The following TACC2 variants were observed in gnomAD, a reference collection of about 807,000 sequenced individuals.
The protein encoded by TACC2 is transforming acidic coiled-coil-containing protein 2.
A neutral mutation model predicts 227.3 loss-of-function variants in TACC2; 137 were observed. That is an observed-to-expected ratio of 0.60 (90% CI 0.52 to 0.69). TACC2 has a LOEUF of 0.69. Among genes scored for constraint, TACC2 ranks in the 30% least tolerant of loss-of-function variants. The pLI is 0.00. For synonymous variants in TACC2, 1,523 were observed against 1,487.5 expected (o/e 1.02, Z -0.55); for missense variants, 3,470 against 3,694.4 (o/e 0.94, Z 1.57).
At chr10:122,094,004 C>CAAGCT (rs1180021626) in intron 5 of TACC2, among the ~76,000 whole-genome samples, 1 of 152,176 alleles carries the variant, frequency 6.6e-6, no homozygotes, top group Non-Finnish European at 1.5e-5. Context: ...TTCTGTCTGT[C>CAAGCT]AAGCTGGGGG....
At chr10:122,004,266 T>C (rs1253307448) in intron 1 of TACC2, among the ~76,000 whole-genome samples, 2 of 151,774 alleles carry the variant, frequency 1.3e-5, no homozygotes, top group Admixed American at 1.3e-4. Context: ...GGTGTGGTGG[T>C]GGGCACCTGT....
rs555547485 is a variant in TACC2, at chr10:122,180,954, G to C, written c.5835-14086G>C. On this transcript the variant is annotated intron_variant, in intron 7 of 22. Coordinates refer to ENST00000369005, the MANE Select transcript of TACC2 (RefSeq NM_206862.4). The surrounding 1 kb of genome is among the most constrained non-coding windows in gnomAD (Gnocchi z 4.5). The stretch of plus-strand genomic sequence containing the variant: ...AGACAGGGTTTCACCATGTTGCCCA[G>C]GCTGGTCTTGAACTCCTGACCTCAG... 7.8e-4 allele frequency among the ~76,000 whole-genome samples: 118 copies of C among 151,534 alleles called. No homozygotes were observed. The highest frequency in any genetic ancestry group is 2.7e-3 in the African/African-American group (112 of 41,282).
chr10:122,001,261 T>G (rs1445460333), intron 1 of TACC2, among the ~76,000 whole-genome samples: 1 of 152,242 alleles, frequency 6.6e-6, no homozygotes, highest in Non-Finnish European at 1.5e-5. Flanking sequence ...GAGGTTTAAT[T>G]GACTCACAGT....
intron 5 of TACC2, among the ~76,000 whole-genome samples, chr10:122,092,641 T>C (rs1279280780): frequency 6.6e-6 from 1 of 152,222 alleles, no homozygotes; most frequent in Admixed American, 6.5e-5. Flanking sequence ...GAAGTCAAAT[T>C]GGCATTGCTA....
intron 7 of TACC2, among the ~76,000 whole-genome samples, chr10:122,151,665 G>A (rs1404595035): frequency 1.4e-5 from 2 of 146,022 alleles, no homozygotes; most frequent in African/African-American, 2.6e-5. Flanking sequence ...CTCTGGTGGC[G>A]AGGAGGAGGG....
chr10:122,093,708 C>A (rs4409767), intron 5 of TACC2, among the ~76,000 whole-genome samples: 70,499 of 151,944 alleles, frequency 0.46, 18,496 homozygotes, highest in Non-Finnish European at 0.61. Flanking sequence ...GTTTCTCTCT[C>A]TATAAAATGG....
At chr10:122,250,380 T>C (rs546022346) in intron 22 of TACC2, among the ~76,000 whole-genome samples, 1 of 152,342 alleles carries the variant, frequency 6.6e-6, no homozygotes, top group Non-Finnish European at 1.5e-5. Context: ...TTCCCCTGCG[T>C]AGTCATCCAC....
chr10:122,183,469 C>T (rs1410181245), intron 7 of TACC2, among the ~76,000 whole-genome samples: 50 of 152,188 alleles, frequency 3.3e-4, no homozygotes, highest in Admixed American at 3.3e-3. Context: ...TGACAGCCTT[C>T]CCATGTCACT....
intron 3 of TACC2, among the ~76,000 whole-genome samples, chr10:122,063,243 G>A (rs150484739): frequency 0.022 from 3,308 of 152,350 alleles, 56 homozygotes; most frequent in African/African-American, 0.044. Flanking sequence ...ACAGAGCCCT[G>A]TATTTCCCAG....
intron 3 of TACC2, among the ~76,000 whole-genome samples, chr10:122,073,126 A>AAAATATATATATAT (rs1383487943): frequency 1.4e-5 from 1 of 71,020 alleles, no homozygotes; most frequent in African/African-American, 6.2e-5. Flanking sequence ...AAAAAAAAAA[A>AAAATATATATATAT]ATATATATAT....
rs35641018 is a variant in TACC2 at position 122,016,566 on chromosome 10, TAAAAAA to T, written c.-45-5357_-45-5352del. Among the ~76,000 whole-genome samples the T allele has an allele frequency of 1.8e-4, 24 of 135,184 alleles. 1 individual carries two copies. In the South Asian group the frequency reaches 4.6e-3, roughly 26 times the overall value. 88.7% of individuals were successfully genotyped at this position (135,184 alleles called of 152,430 possible). A position where few individuals can be genotyped will look rare whatever the true frequency, so the allele number is the denominator to read the frequency against. ...TGGACGACAGAATGAGACTCTGTCT[TAAAAAA>T]AAAAAAAAAAAAAGTCAGTCCCTGC... On this transcript the variant is annotated intron_variant, in intron 1 of 22. Transcript: ENST00000369005.
rs1165993129 is a variant in TACC2 at position 122,084,379 on chromosome 10, C to A, written c.1879C>A (p.His627Asn). The change falls in exon 4 of 23, where the codon CAT becomes AAT. Residue 627 changes from histidine (H) to asparagine (N), a missense_variant. His to Asn is a moderately conservative substitution (Grantham distance 68). Transcript: ENST00000369005. ...AAGCAGTGATGCAGAGAGCAGAGAC[C>A]ATCCCAGCTCACACTCAGCACAGCC... ...KPSSDAESRD[H>N]PSSHSAQPPR... 1 of 1,613,244 alleles carries A rather than the reference C, an allele frequency of 6.2e-7. No individual in the cohort carries two copies. Among genetic ancestry groups the A allele is most frequent in the Admixed American group, 1.7e-5 (1 of 60,012 alleles).
chr10:122,077,114 CAA>C (rs973879242), intron 3 of TACC2, among the ~76,000 whole-genome samples: 14 of 67,040 alleles, frequency 2.1e-4, no homozygotes, highest in Admixed American at 3.2e-4. Context: ...GACTCTGTCT[CAA>C]AAAAAAAAAA....
At chr10:121,995,719 A>G (rs1228450220) in intron 1 of TACC2, among the ~76,000 whole-genome samples, 1 of 152,138 alleles carries the variant, frequency 6.6e-6, no homozygotes, top group Non-Finnish European at 1.5e-5. Flanking sequence ...GGCATGTCAC[A>G]TGGCAAGAGA....
At chr10:122,008,296 G>C (rs959252842) in intron 1 of TACC2, among the ~76,000 whole-genome samples, 3 of 115,514 alleles carry the variant, frequency 2.6e-5, no homozygotes, top group Non-Finnish European at 3.5e-5. Flanking sequence ...TTTTGCTCTT[G>C]TTGCCAAGGC....
intron 6 of TACC2, among the ~76,000 whole-genome samples, chr10:122,136,123 A>G (rs2089576870): frequency 1.3e-5 from 2 of 152,184 alleles, no homozygotes; most frequent in Non-Finnish European, 2.9e-5. Context: ...GCTGATGAAA[A>G]TGCTGTGCCT....
chr10:122,030,544 G>A (rs1035084762), intron 2 of TACC2, among the ~76,000 whole-genome samples: 5 of 151,984 alleles, frequency 3.3e-5, no homozygotes, highest in African/African-American at 9.7e-5. Flanking sequence ...TTCAATACCC[G>A]CATCCCACTC....
intron 11 of TACC2, among the ~76,000 whole-genome samples, chr10:122,217,563 C>G (rs1017407949): frequency 6.8e-6 from 1 of 146,012 alleles, no homozygotes; most frequent in African/African-American, 2.5e-5. Context: ...CTCAGCCTTG[C>G]GAGTAGCTGA....
chr10:122,187,516 A>G (rs1315991471), intron 7 of TACC2, among the ~76,000 whole-genome samples: 1 of 151,736 alleles, frequency 6.6e-6, no homozygotes, highest in Non-Finnish European at 1.5e-5. Context: ...TCTGAGACAG[A>G]GTCTCGCTCT....
Sources: gnomAD v4.1 joint callset for allele counts (sites outside exome capture counted in the v4.1 genomes callset) on GRCh38, gnomAD v4.1.1 for gene constraint, Gnocchi (gnomAD v3.1) non-coding constraint, MANE v1.5 for transcripts, NCBI Gene and HGNC (gene_info 2026-07-23, HGNC 2026-07-21) for gene names.